Variants in PLXND1 observed in about 807,000 individuals in gnomAD.
PLXND1 encodes the protein plexin D1.
PLXND1 carries 54 observed loss-of-function variants against 197.7 expected under a neutral mutation model. The observed-to-expected ratio is 0.27, with a 90% CI of 0.22 to 0.34. PLXND1 has a LOEUF of 0.34. Among genes scored for constraint, PLXND1 ranks in the 10% least tolerant of loss-of-function variants. The probability of loss-of-function intolerance (pLI) is 1.00; values close to 1 mark genes in which losing one functional copy is unlikely to be tolerated. For missense variants in PLXND1, 2,127 were observed against 2,699.2 expected (o/e 0.79, Z 4.70); for synonymous variants, 1,180 against 1,161.2 (o/e 1.02, Z -0.33).
intron 1 of PLXND1, among the ~76,000 whole-genome samples, chr3:129,593,154 C>G (rs2085571361): frequency 6.6e-6 from 1 of 152,184 alleles, no homozygotes; most frequent in African/African-American, 2.4e-5. Context: ...CCCTCCCTAC[C>G]TACAACCCAG....
Position 129,571,123 on chromosome 3 carries a change from G to C in PLXND1, c.3517C>G (p.Leu1173Val), listed in dbSNP as rs2085219444. Residue 1173 changes from leucine (L) to valine (V), a missense_variant, in exon 18 of 36, where the codon CTC becomes GTC. Physicochemically the swap from Leu to Val is conservative, Grantham distance 32. Coordinates refer to ENST00000324093, the MANE Select transcript of PLXND1 (RefSeq NM_015103.3). ...QRGSRFRLDY[L>V]PNPQFSTAKR... Reference sequence around the variant, plus strand: ...GCCGTAGAGAACTGTGGGTTGGGGAGGTAGTCCAGGCGGAACCTGCTGCCC... The same window carrying C: ...GCCGTAGAGAACTGTGGGTTGGGGACGTAGTCCAGGCGGAACCTGCTGCCC... 6.2e-7 allele frequency: 1 copy of C among 1,614,116 alleles called. No individual in the cohort carries two copies. The highest frequency in any genetic ancestry group is 8.5e-7 in the Non-Finnish European group (1 of 1,180,034).
intron 1 of PLXND1, among the ~76,000 whole-genome samples, chr3:129,592,435 A>T (rs1380291220): frequency 6.6e-6 from 1 of 152,234 alleles, no homozygotes. Flanking sequence ...AAGGGAACAT[A>T]AGTTCTGGAA....
chr3:129,584,242 G>A lies in PLXND1; in HGVS notation c.2030-9C>T. The A allele has an allele frequency of 6.3e-7, 1 of 1,599,202 alleles. No individual in the cohort carries two copies. Among genetic ancestry groups the A allele is most frequent in the Non-Finnish European group, 8.5e-7 (1 of 1,170,876 alleles). On this transcript the variant is annotated splice_polypyrimidine_tract_variant and intron_variant, in intron 6 of 35. Transcript: ENST00000324093. ...CTCAACAGTCACGTGGTCTGGAATG[G>A]ATGGGGGAGCCAGGGGAGGACATGG...
chr3:129,580,345 C>G (rs935070061), intron 8 of PLXND1, among the ~76,000 whole-genome samples: 1 of 152,184 alleles, frequency 6.6e-6, no homozygotes, highest in African/African-American at 2.4e-5. Flanking sequence ...CAAGGAGGGG[C>G]CCAGACGGAG....
chr3:129,578,706 A>G (rs2085347982), intron 8 of PLXND1, among the ~76,000 whole-genome samples: 1 of 152,088 alleles, frequency 6.6e-6, no homozygotes, highest in Admixed American at 6.5e-5. Flanking sequence ...AATTTCCTCC[A>G]TGAGTGCTCC....
In PLXND1 at chr3:129,574,395, G is replaced by A. The variant is rs751006502; in HGVS notation, c.2626C>T (p.Arg876Cys). The A allele has an allele frequency of 2.0e-5, 33 of 1,612,398 alleles. No homozygotes were observed. The highest frequency in any genetic ancestry group is 2.4e-5 in the Non-Finnish European group (28 of 1,179,704). Residue 876 changes from arginine (R) to cysteine (C), a missense_variant, in exon 12 of 36, where the codon CGC becomes TGC. Physicochemically the swap from Arg to Cys is radical, Grantham distance 180. This residue lies in a region of PLXND1 where 1,095 missense variants were observed against 1,259.8 expected (regional missense o/e 0.87). Coordinates refer to ENST00000324093, the MANE Select transcript of PLXND1 (RefSeq NM_015103.3). ...GHLCMWSDGC[R>C]LRGPLQPMAG... ...ATGGGCTGCAGAGGCCCCCGCAGGC[G>A]GCAGCCATCACTCCACATGCACAGG...
At chr3:129,604,247 T>C (rs2085752026) in intron 1 of PLXND1, among the ~76,000 whole-genome samples, 1 of 151,798 alleles carries the variant, frequency 6.6e-6, no homozygotes, top group African/African-American at 2.4e-5. Context: ...CCTGTTCACA[T>C]CCCTCCATTC....
At chr3:129,570,069 G>A (rs1012737369) in intron 19 of PLXND1, 112 bp from the exon 20 acceptor site, 2 of 680,440 alleles carry the variant, frequency 2.9e-6, no homozygotes, top group Non-Finnish European at 5.4e-6. Context: ...TGAGCCTCAG[G>A]TGCCACACTG....
At position 129,572,934 on chromosome 3, in the gene PLXND1, A is replaced by T; in HGVS notation, c.2845T>A (p.Cys949Ser). ...DRYTVSEEIV[C>S]VTGPAPGPLS... ...GGTCCTGGGGCTGGCCCTGTGACAC[A>T]CACGATCCTGAGGGGAGGTGCTGTG... The change falls in exon 14 of 36, where the codon TGT (cysteine) becomes AGT (serine). Residue 949 changes from cysteine to serine, a missense_variant. Cys to Ser is a moderately radical substitution (Grantham distance 112, BLOSUM62 -1). Coordinates refer to ENST00000324093, the MANE Select transcript of PLXND1 (RefSeq NM_015103.3). 1 of 1,612,588 alleles carries T rather than the reference A, an allele frequency of 6.2e-7. No individual in the cohort carries two copies. Among genetic ancestry groups the T allele is most frequent in the Non-Finnish European group, 8.5e-7 (1 of 1,179,014 alleles).
intron 24 of PLXND1, 119 bp downstream of exon 24, chr3:129,565,768 G>A: frequency 2.6e-6 from 3 of 1,136,122 alleles, no homozygotes; most frequent in East Asian, 2.5e-5. Context: ...TCCCGGCCCA[G>A]GAAGGGCTGG....
chr3:129,586,795 GGTCTGGGGGCTCTGCCTCCCCATCCT>G lies in PLXND1; in HGVS notation c.1489-102_1489-77del, dbSNP rs2085468628. ...AAACCCAGGGGACAACCTGAGCCCG[GGTCTGGGGGCTCTGCCTCCCCATCCT>G]GTCTTGGACCCTTCAGGAGGGGTGG... On this transcript the variant is annotated intron_variant, in intron 2 of 35. Transcript: ENST00000324093. The G allele has an allele frequency of 7.3e-6, 11 of 1,517,048 alleles. No individual in the cohort carries two copies. The Admixed American group carries it at 2.1e-4, about 29-fold the overall frequency. 94.0% of individuals were successfully genotyped at this position (1,517,048 alleles called of 1,614,324 possible). A position where few individuals can be genotyped will look rare whatever the true frequency, so the allele number is the denominator to read the frequency against.
intron 29 of PLXND1, 110 bp downstream of exon 29, chr3:129,561,536 A>G: frequency 1.2e-6 from 1 of 800,836 alleles, no homozygotes; most frequent in Non-Finnish European, 2.0e-6. Flanking sequence ...AGGAGGCCTC[A>G]GCCCAGGCCA....
chr3:129,578,743 G>C (rs990463903), intron 8 of PLXND1, among the ~76,000 whole-genome samples: 13 of 152,162 alleles, frequency 8.5e-5, no homozygotes, highest in African/African-American at 3.1e-4. Flanking sequence ...CTGGGAGGCT[G>C]AACTCCAGGC....
chr3:129,561,430 C>A (rs1045219967), intron 29 of PLXND1, among the ~76,000 whole-genome samples: 2 of 152,228 alleles, frequency 1.3e-5, no homozygotes, highest in South Asian at 4.1e-4. Context: ...GGGCCTCTCT[C>A]CAGCTGCCGC....
At chr3:129,583,220 G>C (rs2085409860) in intron 8 of PLXND1, among the ~76,000 whole-genome samples, 1 of 152,182 alleles carries the variant, frequency 6.6e-6, no homozygotes, top group South Asian at 2.1e-4. Flanking sequence ...TACTGCAGTG[G>C]GGGTATAAAC....
In PLXND1 at chr3:129,572,845, G is replaced by A. The variant is rs556672769; in HGVS notation, c.2934C>T (p.Tyr978=). ...GTGGGCTGCAGCCCCCCCTTACCAC[G>A]TAGGAGAAGCGGTCCCGGGACTTGC... ...KEGKSRDRFS[Y]VLPLVHSLEP... is the part of the protein sequence containing the mutation. The change falls in exon 14 of 36, where the codon TAC becomes TAT. Residue 978 remains tyrosine, a synonymous_variant. Transcript: ENST00000324093. 176 of 1,613,436 alleles carry A rather than the reference G, an allele frequency of 1.1e-4. 4 individuals carry two copies. The South Asian group carries it at 1.5e-3, about 14-fold the overall frequency.
At position 129,567,792 on chromosome 3, in the gene PLXND1, G is replaced by T; in HGVS notation, c.3879C>A (p.Phe1293Leu). The T allele has an allele frequency of 6.2e-7, 1 of 1,609,392 alleles. No individual in the cohort carries two copies. The highest frequency in any genetic ancestry group is 8.5e-7 in the Non-Finnish European group (1 of 1,176,120). The change falls in exon 21 of 36, where the codon TTC becomes TTA. Residue 1293 changes from phenylalanine (F) to leucine (L), a missense_variant. Around this residue, in one of 6 missense-constraint regions of PLXND1, gnomAD observed 532 missense variants for 811.0 expected, o/e 0.66. Coordinates refer to ENST00000324093, the MANE Select transcript of PLXND1 (RefSeq NM_015103.3). ...GCTCAGCACGTCGGCTCTTGGTACAGAAGACGAACAGGGCTGCGGGCAGTG... is the reference window on the plus strand; with the variant it reads ...GCTCAGCACGTCGGCTCTTGGTACATAAGACGAACAGGGCTGCGGGCAGTG... ...LLLSVVALFV[F>L]CTKSRRAERY...
rs1299872046 is a variant in PLXND1, at chr3:129,565,915, G to C, written c.4294C>G (p.Gln1432Glu). The C allele has an allele frequency of 6.2e-7, 1 of 1,614,172 alleles. No homozygotes were observed. Among genetic ancestry groups the C allele is most frequent in the Non-Finnish European group, 8.5e-7 (1 of 1,180,014 alleles). ...TCGCGCACCGCAAAGTCCTTCTGCT[G>C]CTCCAGCGCGTGGACAAAGACGATG... ...FLIVFVHALE[Q>E]QKDFAVRDRC... Residue 1432 changes from glutamine to glutamate, a missense_variant, in exon 24 of 36, where the codon CAG becomes GAG. Coordinates refer to ENST00000324093, the MANE Select transcript of PLXND1 (RefSeq NM_015103.3).
At chr3:129,605,287 G>A (rs1255773230) in intron 1 of PLXND1, 42 bp downstream of exon 1, 3 of 332,070 alleles carry the variant, frequency 9.0e-6, no homozygotes, top group South Asian at 2.3e-4. Flanking sequence ...CCCCGCCCCC[G>A]CCGCCGCCGC....
Sources: allele counts gnomAD v4.1 joint callset (sites outside exome capture counted in the v4.1 genomes callset), GRCh38; gene constraint gnomAD v4.1.1; regional missense constraint gnomAD v4.1.1; transcripts MANE v1.5; gene names NCBI Gene and HGNC (gene_info 2026-07-23, HGNC 2026-07-21).